Variants in MAGEC3 observed in about 807,000 individuals in gnomAD.
MAGEC3 encodes melanoma-associated antigen C3.
MAGEC3 carries 34 observed loss-of-function variants against 35.3 expected under a neutral mutation model. The observed-to-expected ratio is 0.96, with a 90% CI of 0.73 to 1.28. The LOEUF (loss-of-function observed/expected upper bound fraction) is 1.28. Ranked by LOEUF, MAGEC3 falls within the 50% of genes most tolerant of loss-of-function variation. The pLI is 0.00. For synonymous variants in MAGEC3, 202 were observed against 185.6 expected (o/e 1.09, Z -0.72); for missense variants, 561 against 483.6 (o/e 1.16, Z -1.50).
chrX:141,868,852 T>G (rs1422217032), intron 2 of MAGEC3, among the ~76,000 whole-genome samples: 1 of 103,438 alleles, frequency 9.7e-6, no homozygotes, highest in African/African-American at 3.7e-5. Context: ...TTAAAATTTT[T>G]ATTTTATTTA....
At position 141,850,702 on chromosome X, in the gene MAGEC3, A is replaced by T. The variant is rs2017746125; in HGVS notation, c.123+12264A>T. ...ACATCTGGGCAGTATGCCCCAGACA[A>T]ATTGACATATAAAATCAACCATCAC... On this transcript the variant is annotated intron_variant, in intron 1 of 7. Coordinates refer to ENST00000298296, the MANE Select transcript of MAGEC3 (RefSeq NM_138702.1). Among the ~76,000 whole-genome samples the T allele has an allele frequency of 2.7e-5, 3 of 111,624 alleles. No homozygotes were observed. In the Admixed American group the frequency reaches 2.9e-4, roughly 11 times the overall value.
chrX:141,855,365 C>T (rs767288470), intron 1 of MAGEC3, among the ~76,000 whole-genome samples: 1 of 111,045 alleles, frequency 9.0e-6, no homozygotes, highest in East Asian at 2.8e-4. Context: ...TTCACTAAAA[C>T]TAATAATGTA....
intron 1 of MAGEC3, among the ~76,000 whole-genome samples, chrX:141,863,800 A>G (rs908876748): frequency 1.8e-5 from 2 of 112,091 alleles, no homozygotes; most frequent in Non-Finnish European, 1.9e-5. Flanking sequence ...TAGAGTGGCT[A>G]AAAATCCTAA....
At chrX:141,861,030 T>A (rs1174970741) in intron 1 of MAGEC3, among the ~76,000 whole-genome samples, 1 of 111,775 alleles carries the variant, frequency 8.9e-6, no homozygotes, top group Non-Finnish European at 1.9e-5. Flanking sequence ...TGTCTTTATT[T>A]GTAAAAGTAC....
chrX:141,851,211 T>C lies in MAGEC3; in HGVS notation c.123+12773T>C, dbSNP rs143687174. Among the ~76,000 whole-genome samples the C allele has an allele frequency of 6.3e-3, 698 of 110,739 alleles. 2 individuals are homozygous for C. The highest frequency in any genetic ancestry group is 0.022 in the African/African-American group (666 of 30,612). On this transcript the variant is annotated intron_variant, in intron 1 of 7. Coordinates refer to ENST00000298296, the MANE Select transcript of MAGEC3 (RefSeq NM_138702.1). ...CCTGTGACAGTTGGCCTGTTGGATA[T>C]TGGGGGTAGTCTCAGTCTGTCCAGA... is the stretch of plus-strand genomic sequence containing the variant.
intron 2 of MAGEC3, among the ~76,000 whole-genome samples, chrX:141,877,154 C>A (rs1359929704): frequency 8.9e-6 from 1 of 111,871 alleles, no homozygotes; most frequent in Non-Finnish European, 1.9e-5. Context: ...AATATTGAAT[C>A]TTCATGCCCA....
intron 1 of MAGEC3, chrX:141,839,440 C>G (rs1397256523): frequency 2.7e-6 from 2 of 747,131 alleles, no homozygotes; most frequent in Non-Finnish European, 3.2e-6. Context: ...AAGAACGGAG[C>G]AAAATAAAAG....
At chrX:141,880,474 C>A (rs1025727996) in intron 3 of MAGEC3, 9 of 159,331 alleles carry the variant, frequency 5.6e-5, no homozygotes, top group Non-Finnish European at 3.4e-5. Flanking sequence ...TGCTTGCAGT[C>A]TTTAGCCTGA....
chrX:141,855,771 G>A (rs1267958193), intron 1 of MAGEC3, among the ~76,000 whole-genome samples: 1 of 111,655 alleles, frequency 9.0e-6, no homozygotes, highest in East Asian at 2.8e-4. Context: ...AGGTTTTATT[G>A]TATCATCTAA....
chrX:141,865,431 G>GC, intron 1 of MAGEC3, 40 bp from the exon 2 acceptor site: 1 of 1,158,050 alleles, frequency 8.6e-7, no homozygotes, highest in Non-Finnish European at 1.2e-6. Context: ...GGTAGAGGTT[G>GC]CCCCAGCCTA....
intron 2 of MAGEC3, among the ~76,000 whole-genome samples, chrX:141,878,789 G>A (rs1419549183): frequency 8.9e-6 from 1 of 111,937 alleles, no homozygotes; most frequent in Non-Finnish European, 1.9e-5. Flanking sequence ...TTTTCACTTC[G>A]TCTTGGGGGG....
At chrX:141,850,418 A>C (rs1458530340) in intron 1 of MAGEC3, among the ~76,000 whole-genome samples, 3 of 111,645 alleles carry the variant, frequency 2.7e-5, no homozygotes, top group Admixed American at 9.5e-5. Flanking sequence ...GTGGAGGTGT[A>C]CGTTCAAAAT....
intron 1 of MAGEC3, among the ~76,000 whole-genome samples, chrX:141,859,247 T>A (rs993477079): frequency 7.2e-5 from 8 of 111,126 alleles, no homozygotes; most frequent in Non-Finnish European, 1.3e-4. Context: ...GAATTGTGTA[T>A]CTATTCTATT....
chrX:141,838,490 C>T, intron 1 of MAGEC3, 52 bp downstream of exon 1: 2 of 1,180,080 alleles, frequency 1.7e-6, no homozygotes, highest in South Asian at 3.8e-5. Flanking sequence ...ACAGCCAGCT[C>T]TTCTTTTGCA....
At position 141,897,176 on chromosome X, in the gene MAGEC3, C is replaced by T. The variant is rs376237058; in HGVS notation, c.1418C>T (p.Thr473Ile). Reference protein sequence around the residue: ...LVQFLLLKYQTKEPVTKAEML... With the variant: ...LVQFLLLKYQIKEPVTKAEML... Reference sequence around the variant, plus strand: ...CAGTTTCTTCTCCTCAAATATCAAACAAAAGAGCCTGTCACAAAGGCAGAG... The same window carrying T: ...CAGTTTCTTCTCCTCAAATATCAAATAAAAGAGCCTGTCACAAAGGCAGAG... Residue 473 changes from threonine (T) to isoleucine (I), a missense_variant, in exon 7 of 8, where the codon ACA becomes ATA. Physicochemically the swap from Thr to Ile is moderately conservative, Grantham distance 89 (BLOSUM62 -1). Coordinates refer to ENST00000298296, the MANE Select transcript of MAGEC3 (RefSeq NM_138702.1). 38 of 1,210,331 alleles carry T rather than the reference C, an allele frequency of 3.1e-5. No homozygotes were observed. In the African/African-American group the frequency reaches 5.9e-4, roughly 19 times the overall value.
intron 2 of MAGEC3, among the ~76,000 whole-genome samples, chrX:141,875,136 C>T (rs898313964): frequency 9.0e-6 from 1 of 111,325 alleles, no homozygotes; most frequent in Non-Finnish European, 1.9e-5. Context: ...GAGGGTTTGT[C>T]TTAGTCTAGG....
At chrX:141,887,279 AC>A in intron 4 of MAGEC3, among the ~76,000 whole-genome samples, 1 of 112,137 alleles carries the variant, frequency 8.9e-6, no homozygotes, top group South Asian at 3.7e-4. Flanking sequence ...ATTAGGAGAG[AC>A]CTTGATCGAT....
chrX:141,867,036 G>GAA (rs1329998697), intron 2 of MAGEC3, among the ~76,000 whole-genome samples: 62 of 101,897 alleles, frequency 6.1e-4, no homozygotes, highest in African/African-American at 2.1e-3. Flanking sequence ...AAGGTTTTCA[G>GAA]AAAAAAAAAA....
At chrX:141,865,743 G>T (rs1056004514) in intron 2 of MAGEC3, 138 bp downstream of exon 2, 19 of 651,015 alleles carry the variant, frequency 2.9e-5, no homozygotes, top group Non-Finnish European at 4.2e-5. Flanking sequence ...CTTCATTTTT[G>T]GGGCCTGAGG....
Sources: allele counts gnomAD v4.1 joint callset (sites outside exome capture counted in the v4.1 genomes callset), GRCh38; gene constraint gnomAD v4.1.1; transcripts MANE v1.5; gene names NCBI Gene and HGNC (gene_info 2026-07-23, HGNC 2026-07-21).